The following WDR59 variants were observed in gnomAD, a reference collection of about 807,000 sequenced individuals.
WDR59 encodes GATOR2 complex protein WDR59.
A neutral mutation model predicts 131.2 loss-of-function variants in WDR59; 100 were observed. The ratio of observed to expected loss-of-function variants is 0.76; its 90% CI spans 0.65 to 0.90. The LOEUF is 0.90. WDR59 is among the 40% of genes least tolerant of loss of function. The pLI is 0.00. For synonymous variants in WDR59, 601 were observed against 466.2 expected (o/e 1.29, Z -3.72); for missense variants, 1,203 against 1,262.2 (o/e 0.95, Z 0.71).
chr16:74,944,819 G>A (rs2032493017), intron 6 of WDR59, among the ~76,000 whole-genome samples: 1 of 152,074 alleles, frequency 6.6e-6, no homozygotes, highest in African/African-American at 2.4e-5. Context: ...AAAAAGCAAT[G>A]AGAACAGGCA....
At chr16:74,922,574 G>A (rs1040719091) in intron 9 of WDR59, among the ~76,000 whole-genome samples, 19 of 152,074 alleles carry the variant, frequency 1.2e-4, no homozygotes, top group Admixed American at 8.5e-4. Flanking sequence ...CCGCCCCCCC[G>A]GCACTGCAAC....
chr16:74,877,226 G>A (rs1461983921), intron 25 of WDR59, among the ~76,000 whole-genome samples: 1 of 151,846 alleles, frequency 6.6e-6, no homozygotes, highest in African/African-American at 2.4e-5. Context: ...CTGGTTTTGT[G>A]TATATCTCAA....
chr16:74,903,902 C>G, intron 18 of WDR59, 45 bp downstream of exon 18: 1 of 1,571,410 alleles, frequency 6.4e-7, no homozygotes, highest in African/African-American at 1.4e-5. Flanking sequence ...GAACAAGAAT[C>G]CAGGAGAAGG....
intron 21 of WDR59, 24 bp from the exon 22 acceptor site, chr16:74,888,343 A>G: frequency 1.2e-6 from 2 of 1,604,414 alleles, no homozygotes; most frequent in Non-Finnish European, 1.7e-6. Context: ...AAGAGGAAAG[A>G]AAACAAGTCA....
rs139588809 is a variant in WDR59, at chr16:74,951,507, C to T, written c.277G>A (p.Gly93Ser). Residue 93 changes from glycine to serine, a missense_variant, in exon 4 of 26, where the codon GGC becomes AGC. By Grantham distance (56) the Gly-to-Ser change is moderately conservative. Coordinates refer to ENST00000262144, the MANE Select transcript of WDR59 (RefSeq NM_030581.4). ...AAGGTTGTGCCAACTTCCCCACTGC[C>T]GTCTTTCCACTTGTAAAGGTCTACT... Reference protein sequence around the residue: ...QRVDLYKWKDGSGEVGTTLQG... With the variant: ...QRVDLYKWKDSSGEVGTTLQG... The T allele has an allele frequency of 3.9e-5, 63 of 1,602,548 alleles. 1 individual carries two copies. The South Asian group carries it at 5.9e-4, about 15-fold the overall frequency.
intron 4 of WDR59, among the ~76,000 whole-genome samples, chr16:74,950,594 T>A (rs2032933850): frequency 6.6e-6 from 1 of 152,074 alleles, no homozygotes; most frequent in Non-Finnish European, 1.5e-5. Context: ...AACCCAGGTG[T>A]CTCACCTTTC....
In WDR59 at chr16:74,872,768, C is replaced by CTGT. The variant is rs1211834078; in HGVS notation, c.*1438_*1440dup. ...TTTGGTTTATTGACAGGGTCTCACTCTGTTGCCCAGGCTGGAGTGCAGCGG... is the reference window on the plus strand; with the variant it reads ...TTTGGTTTATTGACAGGGTCTCACTCTGTTGTTGCCCAGGCTGGAGTGCAGCGG... On this transcript the variant is annotated 3_prime_UTR_variant, in exon 26 of 26. Transcript: ENST00000262144. 6.6e-6 allele frequency: 1 copy of CTGT among 152,154 alleles called. No homozygotes were observed. Among genetic ancestry groups the CTGT allele is most frequent in the Non-Finnish European group, 1.5e-5 (1 of 68,128 alleles). 9.4% of individuals were successfully genotyped at this position (152,154 alleles called of 1,614,324 possible).
chr16:74,944,463 CAA>C (rs527514875), intron 6 of WDR59, among the ~76,000 whole-genome samples: 29 of 93,000 alleles, frequency 3.1e-4, no homozygotes, highest in Admixed American at 4.7e-4. Context: ...AAGACTGTCT[CAA>C]AAAAAAAAAA....
chr16:74,963,937 G>A lies in WDR59; in HGVS notation c.104+1836C>T, dbSNP rs576625215. The stretch of plus-strand genomic sequence containing the variant: ...AGAGAAAAAGGGAGAAAGAGAGAGA[G>A]AGAGAATATGAAATGAGGCCAAGGT... On this transcript the variant is annotated intron_variant, in intron 2 of 25. Coordinates refer to ENST00000262144, the MANE Select transcript of WDR59 (RefSeq NM_030581.4). Among the ~76,000 whole-genome samples the A allele has an allele frequency of 4.6e-5, 7 of 151,316 alleles. No individual in the cohort carries two copies. In the South Asian group the frequency reaches 1.5e-3, roughly 32 times the overall value.
intron 1 of WDR59, among the ~76,000 whole-genome samples, chr16:74,969,719 C>A (rs1338030042): frequency 3.3e-5 from 5 of 151,868 alleles, no homozygotes; most frequent in Admixed American, 1.3e-4. Flanking sequence ...CAGGCATGTG[C>A]CACCACGCCC....
At chr16:74,924,478 C>T (rs1287339506) in intron 8 of WDR59, among the ~76,000 whole-genome samples, 2 of 152,054 alleles carry the variant, frequency 1.3e-5, no homozygotes, top group African/African-American at 2.4e-5. Flanking sequence ...TATAAAGAAA[C>T]GACATAATGT....
At chr16:74,899,320 A>C (rs1965437790) in intron 18 of WDR59, among the ~76,000 whole-genome samples, 1 of 152,202 alleles carries the variant, frequency 6.6e-6, no homozygotes, top group South Asian at 2.1e-4. Flanking sequence ...GAAGCCTCTT[A>C]TATCTTCCTC....
chr16:74,968,821 A>C lies in WDR59; in HGVS notation c.55-2999T>G, dbSNP rs193120760. On this transcript the variant is annotated intron_variant, in intron 1 of 25. Transcript: ENST00000262144. ...AAAAAAAAGAAAAACTACCACCACA[A>C]CACCACCTACGTGATTTTTCCCACC... 1.3e-4 allele frequency among the ~76,000 whole-genome samples: 20 copies of C among 152,242 alleles called. No individual in the cohort carries two copies. In the South Asian group the frequency reaches 1.5e-3, roughly 11 times the overall value.
intron 25 of WDR59, among the ~76,000 whole-genome samples, chr16:74,879,001 A>G (rs1334574756): frequency 2.6e-5 from 4 of 152,198 alleles, no homozygotes; most frequent in Non-Finnish European, 4.4e-5. Flanking sequence ...AGGCACTATT[A>G]AAGGTACTCT....
intron 7 of WDR59, among the ~76,000 whole-genome samples, chr16:74,941,565 G>A (rs2032227877): frequency 1.3e-5 from 2 of 151,874 alleles, no homozygotes; most frequent in Admixed American, 1.3e-4. Context: ...GTGGTGGTGT[G>A]CACCTATAGT....
At chr16:74,879,313 T>C (rs912164084) in intron 25 of WDR59, among the ~76,000 whole-genome samples, 1 of 152,190 alleles carries the variant, frequency 6.6e-6, no homozygotes, top group Non-Finnish European at 1.5e-5. Context: ...GCTGTGATCA[T>C]GCCTGTGCAC....
chr16:74,965,950 T>G, intron 1 of WDR59, 128 bp from the exon 2 acceptor site: 1 of 836,108 alleles, frequency 1.2e-6, no homozygotes, highest in Non-Finnish European at 1.9e-6. Context: ...ATTAGTTCTC[T>G]ACAGTGGATG....
intron 25 of WDR59, among the ~76,000 whole-genome samples, chr16:74,878,108 T>C (rs1964303381): frequency 6.6e-6 from 1 of 152,200 alleles, no homozygotes; most frequent in African/African-American, 2.4e-5. Context: ...ACTGGGAATG[T>C]CTTGTATTCT....
intron 17 of WDR59, chr16:74,908,678 T>C: frequency 2.5e-6 from 1 of 405,216 alleles, no homozygotes; most frequent in Non-Finnish European, 4.3e-6. Flanking sequence ...GTTTTGACAA[T>C]AGCTTTTATC....
Sources: allele counts gnomAD v4.1 joint callset (sites outside exome capture counted in the v4.1 genomes callset), GRCh38; gene constraint gnomAD v4.1.1; transcripts MANE v1.5; gene names NCBI Gene and HGNC (gene_info 2026-07-23, HGNC 2026-07-21).